ATOH8: variants seen among roughly 807,000 people sequenced by gnomAD.
The protein encoded by ATOH8 is atonal bHLH transcription factor 8.
ATOH8 carries 9 observed loss-of-function variants against 21.2 expected under a neutral mutation model. The ratio of observed to expected loss-of-function variants is 0.42; its 90% CI spans 0.26 to 0.74. The LOEUF (loss-of-function observed/expected upper bound fraction) is 0.74, where lower values mean the gene tolerates loss of function less well. ATOH8 is among the 30% of genes least tolerant of loss of function. The pLI is 0.24. For synonymous variants in ATOH8, 253 were observed against 224.0 expected (o/e 1.13, Z -1.16); for missense variants, 524 against 470.9 (o/e 1.11, Z -1.04).
intron 1 of ATOH8, among the ~76,000 whole-genome samples, chr2:85,756,907 A>G (rs1027804352): frequency 3.3e-5 from 5 of 152,156 alleles, no homozygotes; most frequent in South Asian, 2.1e-4. Context: ...TTGAGATGAG[A>G]TTGTTCATCC....
chr2:85,781,670 G>A (rs1426320533), intron 2 of ATOH8, among the ~76,000 whole-genome samples: 1 of 151,982 alleles, frequency 6.6e-6, no homozygotes, highest in African/African-American at 2.4e-5. Context: ...GAGCCCTTAA[G>A]TTTGAGACCA....
chr2:85,777,701 C>T (rs1013522474), intron 2 of ATOH8, among the ~76,000 whole-genome samples: 4 of 152,210 alleles, frequency 2.6e-5, no homozygotes, highest in African/African-American at 9.7e-5. Flanking sequence ...AAGTCTGCTT[C>T]TGTGCAGGAG....
chr2:85,770,988 A>T (rs1223580221), intron 2 of ATOH8, among the ~76,000 whole-genome samples: 1 of 152,068 alleles, frequency 6.6e-6, no homozygotes, highest in Non-Finnish European at 1.5e-5. Context: ...ACACTGGGGA[A>T]TGCAGAGAAC....
rs1225591672 is a variant in ATOH8, at chr2:85,754,822, G to A, written c.633G>A (p.Arg211=). The A allele has an allele frequency of 1.9e-6, 3 of 1,612,672 alleles. No individual in the cohort carries two copies. The highest frequency in any genetic ancestry group is 1.3e-5 in the African/African-American group (1 of 74,944). ...ACCAGGATTCCTCCGCGTCGCCTAG[G>A]AAACGACCGGGCGAAGCGACTGCCG... ...NNHQDSSASP[R]KRPGEATAAS... Residue 211 remains arginine, a synonymous_variant, in exon 1 of 3, where the codon AGG becomes AGA. Coordinates refer to ENST00000306279, the MANE Select transcript of ATOH8 (RefSeq NM_032827.7).
intron 2 of ATOH8, among the ~76,000 whole-genome samples, chr2:85,765,413 C>G (rs879819510): frequency 1.3e-5 from 2 of 152,248 alleles, no homozygotes; most frequent in African/African-American, 4.8e-5. Flanking sequence ...GCTGCCGCTG[C>G]CACGGTAACT....
At chr2:85,779,056 T>C (rs538869718) in intron 2 of ATOH8, among the ~76,000 whole-genome samples, 3 of 151,634 alleles carry the variant, frequency 2.0e-5, no homozygotes, top group East Asian at 3.9e-4. Context: ...TCCTCCAGCC[T>C]GGGTGCCTCC....
Position 85,754,753 on chromosome 2 carries a change from G to A in ATOH8, c.564G>A (p.Gly188=). 1 of 1,612,816 alleles carries A rather than the reference G, an allele frequency of 6.2e-7. No homozygotes were observed. Among genetic ancestry groups the A allele is most frequent in the Non-Finnish European group, 8.5e-7 (1 of 1,179,812 alleles). ...GCCCTGCGCCCCCGACGCGCCCCGGGGAAAGTTCCTACTCGTCAATTTCAC... is the reference window on the plus strand; with the variant it reads ...GCCCTGCGCCCCCGACGCGCCCCGGAGAAAGTTCCTACTCGTCAATTTCAC... The part of the protein sequence containing the change: ...TVRPAPPTRP[G]ESSYSSISHV... The change falls in exon 1 of 3, where the codon GGG becomes GGA. Residue 188 remains glycine (G), a synonymous_variant. Transcript: ENST00000306279.
intron 1 of ATOH8, among the ~76,000 whole-genome samples, chr2:85,763,618 G>A (rs998498477): frequency 1.8e-4 from 28 of 152,090 alleles, no homozygotes; most frequent in African/African-American, 6.8e-4. Flanking sequence ...ATGAATGAAT[G>A]GAACATCAGA....
At chr2:85,786,025 C>T (rs72930737) in intron 2 of ATOH8, among the ~76,000 whole-genome samples, 1,882 of 152,272 alleles carry the variant, frequency 0.012, 45 homozygotes, top group African/African-American at 0.043. Context: ...CCCCCTGTCC[C>T]ATCCCTTCCT....
chr2:85,776,987 G>A lies in ATOH8; in HGVS notation c.961-9898G>A, dbSNP rs1038226980. Among the ~76,000 whole-genome samples, 14 of 149,986 alleles carry A rather than the reference G, an allele frequency of 9.3e-5. No homozygotes were observed. The East Asian group carries it at 1.6e-3, about 17-fold the overall frequency. ...CACAGCCCACCCACCCCCTCCACACGCACACACAGGGGTTCTTCACTTGTT... is the reference window on the plus strand; with the variant it reads ...CACAGCCCACCCACCCCCTCCACACACACACACAGGGGTTCTTCACTTGTT... On this transcript the variant is annotated intron_variant, in intron 2 of 2. Coordinates refer to ENST00000306279, the MANE Select transcript of ATOH8 (RefSeq NM_032827.7).
At chr2:85,758,035 C>T (rs1679765046) in intron 1 of ATOH8, among the ~76,000 whole-genome samples, 1 of 152,136 alleles carries the variant, frequency 6.6e-6, no homozygotes, top group South Asian at 2.1e-4. Context: ...GATCCACCCA[C>T]CTCTGTCTCC....
At chr2:85,786,790 C>A in intron 2 of ATOH8, 95 bp from the exon 3 acceptor site, 1 of 1,588,166 alleles carries the variant, frequency 6.3e-7, no homozygotes, top group Non-Finnish European at 8.6e-7. Flanking sequence ...GGCCCCTCTG[C>A]CTGGAGGACT....
intron 1 of ATOH8, among the ~76,000 whole-genome samples, chr2:85,755,192 G>C (rs551823284): frequency 6.6e-6 from 1 of 152,230 alleles, no homozygotes; most frequent in Non-Finnish European, 1.5e-5. Flanking sequence ...CCCCGCCTCG[G>C]GGGTAACGCT....
At position 85,787,185 on chromosome 2, in the gene ATOH8, C is replaced by A; in HGVS notation, c.*295C>A. ...ACTGTCCAGCTGCAGAAATTCGTTGCCAAAGATTGGACAGAGACACCGAAG... is the reference window on the plus strand; with the variant it reads ...ACTGTCCAGCTGCAGAAATTCGTTGACAAAGATTGGACAGAGACACCGAAG... On this transcript the variant is annotated 3_prime_UTR_variant, in exon 3 of 3. Transcript: ENST00000306279. 1 of 428,660 alleles carries A rather than the reference C, an allele frequency of 2.3e-6. No homozygotes were observed. The highest frequency in any genetic ancestry group is 3.6e-5 in the East Asian group (1 of 27,596). 26.6% of individuals were successfully genotyped at this position (428,660 alleles called of 1,614,324 possible). A position where few individuals can be genotyped will look rare whatever the true frequency, so the allele number is the denominator to read the frequency against.
intron 1 of ATOH8, among the ~76,000 whole-genome samples, chr2:85,760,328 C>T (rs568963977): frequency 1.3e-5 from 2 of 150,692 alleles, no homozygotes; most frequent in South Asian, 4.2e-4. Context: ...CAGGGTGAGC[C>T]GACAATGGCT....
At chr2:85,781,470 G>A (rs1265148720) in intron 2 of ATOH8, among the ~76,000 whole-genome samples, 1 of 152,162 alleles carries the variant, frequency 6.6e-6, no homozygotes, top group Non-Finnish European at 1.5e-5. Context: ...GGGAGGCTGA[G>A]ACTGGAGAAT....
chr2:85,756,679 A>G (rs1351672957), intron 1 of ATOH8, among the ~76,000 whole-genome samples: 1 of 152,202 alleles, frequency 6.6e-6, no homozygotes, highest in Non-Finnish European at 1.5e-5. Flanking sequence ...AATTGGATTA[A>G]CTCATTTTAT....
At chr2:85,786,631 A>C (rs1199389042) in intron 2 of ATOH8, among the ~76,000 whole-genome samples, 1 of 152,052 alleles carries the variant, frequency 6.6e-6, no homozygotes, top group African/African-American at 2.4e-5. Context: ...CCCACTACCC[A>C]CTGTGGTCCT....
At chr2:85,769,531 CTT>C (rs1374862622) in intron 2 of ATOH8, among the ~76,000 whole-genome samples, 4 of 152,228 alleles carry the variant, frequency 2.6e-5, no homozygotes, top group Non-Finnish European at 4.4e-5. Flanking sequence ...TGTCCTCCCT[CTT>C]TTCCTTGCTG....
Sources: allele counts gnomAD v4.1 joint callset (sites outside exome capture counted in the v4.1 genomes callset), GRCh38; gene constraint gnomAD v4.1.1; transcripts MANE v1.5; gene names NCBI Gene and HGNC (gene_info 2026-07-23, HGNC 2026-07-21).